The following RPSA2 variants were observed in gnomAD, a reference collection of about 807,000 sequenced individuals.
The protein encoded by RPSA2 is ribosomal protein SA 2.
chr19:23,856,971 T>C, the RPSA2 span, among the ~76,000 whole-genome samples: 1 of 152,172 alleles, frequency 6.6e-6, no homozygotes, highest in African/African-American at 2.4e-5. Context: ...AGAGAACTGG[T>C]CTGACCAAAA....
chr19:23,854,243 A>C, the RPSA2 span, among the ~76,000 whole-genome samples: 1 of 152,168 alleles, frequency 6.6e-6, no homozygotes, highest in Non-Finnish European at 1.5e-5. Flanking sequence ...TGCCCTACCT[A>C]ACACCAGGCC....
At chr19:23,801,897 A>T in the RPSA2 span, among the ~76,000 whole-genome samples, 2 of 152,174 alleles carry the variant, frequency 1.3e-5, no homozygotes, top group South Asian at 4.1e-4. Context: ...TTTTTAGGTA[A>T]AATATTATTT....
the RPSA2 span, among the ~76,000 whole-genome samples, chr19:23,796,100 G>C: frequency 3.3e-5 from 5 of 152,300 alleles, no homozygotes; most frequent in East Asian, 9.6e-4. Flanking sequence ...TGTTGGCTGA[G>C]AGTTTGTCAT....
the RPSA2 span, among the ~76,000 whole-genome samples, chr19:23,813,693 T>TG: frequency 6.6e-6 from 1 of 150,996 alleles, no homozygotes; most frequent in Non-Finnish European, 1.5e-5. Flanking sequence ...AAATAATGGA[T>TG]GCCTGCTTGT....
At chr19:23,860,920 G>C in the RPSA2 span, among the ~76,000 whole-genome samples, 9,742 of 152,184 alleles carry the variant, frequency 0.064, 347 homozygotes, top group African/African-American at 0.076. Flanking sequence ...ACTTATAAAA[G>C]AAACTAGACA....
the RPSA2 span, among the ~76,000 whole-genome samples, chr19:23,777,778 C>T: frequency 6.6e-6 from 1 of 152,272 alleles, no homozygotes. Flanking sequence ...GGTGATGGAA[C>T]TCTACCACCT....
the RPSA2 span, among the ~76,000 whole-genome samples, chr19:23,856,368 T>A: frequency 1.3e-5 from 2 of 152,108 alleles, no homozygotes; most frequent in East Asian, 3.9e-4. Flanking sequence ...CCACCCTGAA[T>A]AGGGTGACCA....
At chr19:23,856,749 C>T in the RPSA2 span, among the ~76,000 whole-genome samples, 6 of 152,080 alleles carry the variant, frequency 3.9e-5, no homozygotes, top group Non-Finnish European at 8.8e-5. Flanking sequence ...GGTGACATCA[C>T]ATATCGGTAG....
At chr19:23,832,550 T>C in the RPSA2 span, 1 of 859,544 alleles carries the variant, frequency 1.2e-6, no homozygotes, top group Non-Finnish European at 1.7e-6. Context: ...AAAGAAACCC[T>C]ACAAATGTCA....
At chr19:23,785,593 G>C in the RPSA2 span, among the ~76,000 whole-genome samples, 4 of 152,154 alleles carry the variant, frequency 2.6e-5, no homozygotes, top group South Asian at 8.3e-4. Flanking sequence ...GCTTTCAGGA[G>C]AAGGTTGTAA....
chr19:23,773,638 C>G, the RPSA2 span, among the ~76,000 whole-genome samples: 11 of 152,226 alleles, frequency 7.2e-5, no homozygotes, highest in East Asian at 2.1e-3. Context: ...ATCATTTTCT[C>G]ACATAAACAT....
At chr19:23,804,522 C>G in the RPSA2 span, among the ~76,000 whole-genome samples, 1 of 151,870 alleles carries the variant, frequency 6.6e-6, no homozygotes, top group African/African-American at 2.4e-5. Flanking sequence ...GTCTCGATCT[C>G]CTGACCTCGT....
the RPSA2 span, among the ~76,000 whole-genome samples, chr19:23,855,405 T>C: frequency 6.6e-6 from 1 of 152,202 alleles, no homozygotes; most frequent in Non-Finnish European, 1.5e-5. Flanking sequence ...CCATACTGAG[T>C]ACAAGCATCC....
chr19:23,759,791 G>A, the RPSA2 span, among the ~76,000 whole-genome samples: 1 of 151,916 alleles, frequency 6.6e-6, no homozygotes, highest in African/African-American at 2.4e-5. Context: ...CAAAGTGCTG[G>A]GGTTACAGGT....
the RPSA2 span, among the ~76,000 whole-genome samples, chr19:23,840,081 G>A: frequency 2.7e-5 from 4 of 150,752 alleles, no homozygotes; most frequent in Admixed American, 6.6e-5. Flanking sequence ...CTCCTGAGAA[G>A]GAATCAGAGA....
the RPSA2 span, among the ~76,000 whole-genome samples, chr19:23,844,605 C>A: frequency 6.6e-6 from 1 of 151,964 alleles, no homozygotes; most frequent in African/African-American, 2.4e-5. Context: ...ACATAGTTTG[C>A]AAATATGTTC....
chr19:23,860,222 T>C, the RPSA2 span, among the ~76,000 whole-genome samples: 2 of 152,210 alleles, frequency 1.3e-5, no homozygotes, highest in Non-Finnish European at 2.9e-5. Context: ...CAATCATTCA[T>C]GTTTCCAACA....
chr19:23,843,244 A>C, the RPSA2 span: 12 of 256,352 alleles, frequency 4.7e-5, no homozygotes, highest in Admixed American at 7.8e-5. Flanking sequence ...CCTGGTATGT[A>C]AAGAGACATG....
At chr19:23,808,459 G>A in the RPSA2 span, among the ~76,000 whole-genome samples, 1 of 151,776 alleles carries the variant, frequency 6.6e-6, no homozygotes, top group Non-Finnish European at 1.5e-5. Flanking sequence ...TAGAGACAGG[G>A]TTTCACCATC....
Sources: allele counts gnomAD v4.1 joint callset (sites outside exome capture counted in the v4.1 genomes callset), GRCh38; gene constraint gnomAD v4.1.1; transcripts MANE v1.5; gene names NCBI Gene and HGNC (gene_info 2026-07-23, HGNC 2026-07-21).